The following SLC10A7 variants were observed in gnomAD, a reference collection of about 807,000 sequenced individuals.
SLC10A7 encodes the protein sodium/bile acid cotransporter 7.
Under a neutral mutation model 43.2 loss-of-function variants are expected in SLC10A7, and 29 were observed. The ratio of observed to expected loss-of-function variants is 0.67; its 90% CI spans 0.50 to 0.92. The LOEUF is 0.92. SLC10A7 is among the 40% of genes least tolerant of loss of function. SLC10A7 has a pLI of 0.00. For synonymous variants in SLC10A7, 152 were observed against 144.8 expected, an observed-to-expected ratio of 1.05 and a Z score of -0.35; for missense variants, 295 against 403.2, an observed-to-expected ratio of 0.73 and a Z score of 2.30.
intron 5 of SLC10A7, among the ~76,000 whole-genome samples, chr4:146,407,366 C>A (rs533187550): frequency 6.6e-6 from 1 of 152,186 alleles, no homozygotes; most frequent in Non-Finnish European, 1.5e-5. Context: ...TTCCTTGTAT[C>A]CCATTGTTGC....
Position 146,451,397 on chromosome 4 carries a change from G to A in SLC10A7, c.397-8576C>T, listed in dbSNP as rs1392843580. Among the ~76,000 whole-genome samples, 4 of 151,648 alleles carry A rather than the reference G, an allele frequency of 2.6e-5. No individual in the cohort carries two copies. The East Asian group carries it at 7.7e-4, about 29-fold the overall frequency. On this transcript the variant is annotated intron_variant, in intron 4 of 11. Transcript: ENST00000335472. ...CATTCTATGAGGTCAGCATTACCCT[G>A]ATACCAAACCAGACAAGGACACAAC...
At chr4:146,400,687 T>A (rs184687818) in intron 5 of SLC10A7, among the ~76,000 whole-genome samples, 59 of 152,154 alleles carry the variant, frequency 3.9e-4, no homozygotes, top group South Asian at 2.7e-3. Context: ...TTTCCACAAG[T>A]TTTTTTGGTT....
chr4:146,326,586 C>T (rs891186358), intron 5 of SLC10A7, among the ~76,000 whole-genome samples: 3 of 152,192 alleles, frequency 2.0e-5, no homozygotes, highest in African/African-American at 7.2e-5. Flanking sequence ...CCTCTGCCTC[C>T]CCTAGGCAGA....
chr4:146,348,257 AC>A (rs1404405015), intron 5 of SLC10A7, among the ~76,000 whole-genome samples: 1 of 152,168 alleles, frequency 6.6e-6, no homozygotes, highest in Admixed American at 6.5e-5. Context: ...TTACAAACTG[AC>A]CTGGGAGCAC....
At chr4:146,437,148 A>G (rs1364705940) in intron 5 of SLC10A7, among the ~76,000 whole-genome samples, 1 of 151,956 alleles carries the variant, frequency 6.6e-6, no homozygotes, top group Non-Finnish European at 1.5e-5. Context: ...ATGTGTGTTG[A>G]TTTTCTATCC....
intron 5 of SLC10A7, among the ~76,000 whole-genome samples, chr4:146,344,501 T>G (rs561812228): frequency 6.6e-6 from 1 of 152,202 alleles, no homozygotes; most frequent in South Asian, 2.1e-4. Context: ...GCATCTATTT[T>G]AAAATTGCAT....
chr4:146,361,505 G>A (rs9999381), intron 5 of SLC10A7, among the ~76,000 whole-genome samples: 20,817 of 152,088 alleles, frequency 0.14, 1,468 homozygotes, highest in Non-Finnish European at 0.15. Context: ...TGCAACAGTT[G>A]CAGTATTGCT....
intron 10 of SLC10A7, among the ~76,000 whole-genome samples, chr4:146,278,277 T>G (rs1028577628): frequency 6.6e-6 from 1 of 152,192 alleles, no homozygotes; most frequent in African/African-American, 2.4e-5. Flanking sequence ...GGTTAAGAGC[T>G]TTAATCTTTT....
intron 2 of SLC10A7, among the ~76,000 whole-genome samples, chr4:146,516,663 CA>C (rs1239399971): frequency 6.6e-6 from 1 of 151,568 alleles, no homozygotes; most frequent in Non-Finnish European, 1.5e-5. Context: ...TCCTGGGAAC[CA>C]AAGATGATCC....
intron 10 of SLC10A7, among the ~76,000 whole-genome samples, chr4:146,262,481 G>A (rs1244588456): frequency 6.6e-6 from 1 of 152,118 alleles, no homozygotes; most frequent in Admixed American, 6.5e-5. Flanking sequence ...CCAAGAATTC[G>A]GCAACATTTG....
In SLC10A7 at chr4:146,262,302, C is replaced by T. The variant is rs114164069; in HGVS notation, c.848-3465G>A. 8.1e-3 allele frequency among the ~76,000 whole-genome samples: 1,239 copies of T among 152,242 alleles called. 15 individuals are homozygous for T. The highest frequency in any genetic ancestry group is 0.029 in the African/African-American group (1,196 of 41,530). The stretch of plus-strand genomic sequence containing the variant: ...TGTTCGAGTTTCCATGCTATGGTGG[C>T]GATCATTTGGAAGTGGTGAGCTCAA... On this transcript the variant is annotated intron_variant, in intron 10 of 11. Transcript: ENST00000335472.
At chr4:146,415,797 T>G (rs1728519080) in intron 5 of SLC10A7, among the ~76,000 whole-genome samples, 1 of 152,218 alleles carries the variant, frequency 6.6e-6, no homozygotes, top group Admixed American at 6.5e-5. Context: ...TAAAAATATC[T>G]ACCACAAAAT....
intron 4 of SLC10A7, among the ~76,000 whole-genome samples, chr4:146,452,597 A>G (rs763406678): frequency 1.3e-5 from 2 of 152,080 alleles, no homozygotes; most frequent in Admixed American, 6.6e-5. Flanking sequence ...TAGTTTTACT[A>G]TTGACTACTT....
At chr4:146,292,593 G>A (rs1730512833) in intron 9 of SLC10A7, among the ~76,000 whole-genome samples, 1 of 152,154 alleles carries the variant, frequency 6.6e-6, no homozygotes. Context: ...ATATCTAAAT[G>A]GTAAATGAAA....
At position 146,510,140 on chromosome 4, in the gene SLC10A7, CTTAATT is replaced by C; in HGVS notation, c.184-97_184-92del. The stretch of plus-strand genomic sequence containing the variant: ...TAAAATAACATCACATGAGTTAGTT[CTTAATT>C]TTGGGTTTTTTCATAGCTAAAATTT... On this transcript the variant is annotated intron_variant, in intron 2 of 11. Transcript: ENST00000335472. 3.1e-6 allele frequency: 4 copies of C among 1,284,700 alleles called. 1 individual carries two copies. The Admixed American group carries it at 1.2e-4, about 37-fold the overall frequency. 79.6% of individuals were successfully genotyped at this position (1,284,700 alleles called of 1,614,324 possible).
chr4:146,448,900 A>C (rs1275599891), intron 4 of SLC10A7, among the ~76,000 whole-genome samples: 2 of 152,228 alleles, frequency 1.3e-5, no homozygotes, highest in Non-Finnish European at 2.9e-5. Flanking sequence ...GGTGAAGACC[A>C]GAAATTCCAG....
chr4:146,331,142 T>C (rs1733504038), intron 5 of SLC10A7, among the ~76,000 whole-genome samples: 1 of 152,152 alleles, frequency 6.6e-6, no homozygotes, highest in Non-Finnish European at 1.5e-5. Context: ...GGCAGGGTTC[T>C]GAGCTTTCTC....
At chr4:146,428,425 C>T (rs532544226) in intron 5 of SLC10A7, among the ~76,000 whole-genome samples, 1 of 152,276 alleles carries the variant, frequency 6.6e-6, no homozygotes, top group South Asian at 2.1e-4. Context: ...ATTATGAACT[C>T]ATCAAACTCA....
chr4:146,520,854 C>A (rs1437498497), intron 1 of SLC10A7, among the ~76,000 whole-genome samples: 2 of 151,988 alleles, frequency 1.3e-5, no homozygotes, highest in Non-Finnish European at 2.9e-5. Context: ...GCATAAAAAA[C>A]TAATATTTCT....
Sources: allele counts gnomAD v4.1 joint callset (sites outside exome capture counted in the v4.1 genomes callset), GRCh38; gene constraint gnomAD v4.1.1; transcripts MANE v1.5; gene names NCBI Gene and HGNC (gene_info 2026-07-23, HGNC 2026-07-21).